MYC: variants seen among roughly 807,000 people sequenced by gnomAD.
The protein encoded by MYC is myc proto-oncogene protein.
In MYC, 1 loss-of-function variant was observed where a neutral mutation model predicts 30.5. The observed-to-expected ratio is 0.03, with a 90% CI of 0.01 to 0.16. MYC has a LOEUF of 0.16. Among genes scored for constraint, MYC ranks in the 10% least tolerant of loss-of-function variants. MYC has a pLI of 1.00. For synonymous variants in MYC, 267 were observed against 250.7 expected (o/e 1.07, Z -0.62); for missense variants, 508 against 589.0 (o/e 0.86, Z 1.42).
chr8:127,739,966 CTTTT>C (rs545674040), intron 2 of MYC, among the ~76,000 whole-genome samples: 2 of 136,408 alleles, frequency 1.5e-5, no homozygotes, highest in African/African-American at 5.4e-5. Flanking sequence ...TAGATTGGTT[CTTTT>C]TTTTTTTTTT....
intron 1 of MYC, among the ~76,000 whole-genome samples, chr8:127,737,589 GA>G (rs1472916295): frequency 6.6e-6 from 1 of 152,080 alleles, no homozygotes; most frequent in Non-Finnish European, 1.5e-5. Flanking sequence ...TGTATTTATG[GA>G]GGGGTGTTAA....
Position 127,738,891 on chromosome 8 carries a change from C to T in MYC, c.674C>T (p.Ser225Leu), listed in dbSNP as rs776438693. 5.0e-6 allele frequency: 8 copies of T among 1,611,986 alleles called. No individual in the cohort carries two copies. Among genetic ancestry groups the T allele is most frequent in the Non-Finnish European group, 6.8e-6 (8 of 1,180,004 alleles). ...AGCAGCTCGCCCAAGTCCTGCGCCT[C>T]GCAAGACTCCAGCGCCTTCTCTCCG... The change falls in exon 2 of 3, where the codon TCG becomes TTG. Residue 225 changes from serine (S) to leucine (L), a missense_variant. Coordinates refer to ENST00000621592, the MANE Select transcript of MYC (RefSeq NM_002467.6). This position sits in a 1 kb window ranked among gnomAD's most constrained non-coding sequence, Gnocchi z 7.6.
At position 127,738,686 on chromosome 8, in the gene MYC, G is replaced by T. The variant is rs1161084627; in HGVS notation, c.469G>T (p.Ala157Ser). The T allele has an allele frequency of 6.2e-7, 1 of 1,614,018 alleles. No homozygotes were observed. The highest frequency in any genetic ancestry group is 8.5e-7 in the Non-Finnish European group (1 of 1,179,910). Residue 157 changes from alanine to serine, a missense_variant, in exon 2 of 3, where the codon GCC becomes TCC. Coordinates refer to ENST00000621592, the MANE Select transcript of MYC (RefSeq NM_002467.6). The surrounding 1 kb of genome is among the most constrained non-coding windows in gnomAD (Gnocchi z 7.6). Reference sequence around the variant, plus strand: ...TATGTGGAGCGGCTTCTCGGCCGCCGCCAAGCTCGTCTCAGAGAAGCTGGC... The same window carrying T: ...TATGTGGAGCGGCTTCTCGGCCGCCTCCAAGCTCGTCTCAGAGAAGCTGGC...
At chr8:127,737,908 C>T (rs1292530526) in intron 1 of MYC, among the ~76,000 whole-genome samples, 3 of 152,164 alleles carry the variant, frequency 2.0e-5, no homozygotes, top group Non-Finnish European at 4.4e-5. Context: ...TCACCGCCAC[C>T]TCCCGCGGCT....
At position 127,738,766 on chromosome 8, in the gene MYC, C is replaced by T. The variant is rs760580726; in HGVS notation, c.549C>T (p.His183=). ...GCAGCCCGAACCCCGCCCGCGGCCA[C>T]AGCGTCTGCTCCACCTCCAGCTTGT... Residue 183 remains histidine (H), a synonymous_variant, in exon 2 of 3, where the codon CAC becomes CAT. Transcript: ENST00000621592. The surrounding 1 kb of genome is among the most constrained non-coding windows in gnomAD (Gnocchi z 7.6). The T allele has an allele frequency of 6.2e-7, 1 of 1,611,050 alleles. No individual in the cohort carries two copies. The highest frequency in any genetic ancestry group is 8.5e-7 in the Non-Finnish European group (1 of 1,178,262).
At chr8:127,736,900 C>G (rs1478958519) in intron 1 of MYC, among the ~76,000 whole-genome samples, 1 of 152,190 alleles carries the variant, frequency 6.6e-6, no homozygotes, top group East Asian at 1.9e-4. Flanking sequence ...TATATTCACG[C>G]TGACTCCCGG....
chr8:127,739,155 C>A, intron 2 of MYC, 136 bp downstream of exon 2: 2 of 990,338 alleles, frequency 2.0e-6, no homozygotes, highest in Non-Finnish European at 2.8e-6. Flanking sequence ...GAGCTCATCA[C>A]CTCTGAAACC....
Position 127,738,142 on chromosome 8 carries a change from A to G in MYC, c.31-106A>G. 1.5e-6 allele frequency: 2 copies of G among 1,370,052 alleles called. No homozygotes were observed. The highest frequency in any genetic ancestry group is 2.0e-6 in the Non-Finnish European group (2 of 1,016,062). 84.9% of individuals were successfully genotyped at this position (1,370,052 alleles called of 1,614,324 possible). ...AGCCGCTTTAGGGGATAGCTCTGCA[A>G]GGGGAGAGGTTCGGGACTGTGGCGC... On this transcript the variant is annotated intron_variant, in intron 1 of 2. Coordinates refer to ENST00000621592, the MANE Select transcript of MYC (RefSeq NM_002467.6). The surrounding 1 kb of genome is among the most constrained non-coding windows in gnomAD (Gnocchi z 7.6).
rs1221550924 is a variant in MYC at position 127,738,915 on chromosome 8, C to A, written c.698C>A (p.Pro233Gln). 5 of 1,609,936 alleles carry A rather than the reference C, an allele frequency of 3.1e-6. No homozygotes were observed. The highest frequency in any genetic ancestry group is 4.2e-6 in the Non-Finnish European group (5 of 1,179,988). Reference sequence around the variant, plus strand: ...TCGCAAGACTCCAGCGCCTTCTCTCCGTCCTCGGATTCTCTGCTCTCCTCG... The same window carrying A: ...TCGCAAGACTCCAGCGCCTTCTCTCAGTCCTCGGATTCTCTGCTCTCCTCG... Residue 233 changes from proline (P) to glutamine (Q), a missense_variant, in exon 2 of 3, where the codon CCG becomes CAG. Around this residue, in one of 5 missense-constraint regions of MYC, gnomAD observed 364 missense variants for 381.1 expected, o/e 0.96. Coordinates refer to ENST00000621592, the MANE Select transcript of MYC (RefSeq NM_002467.6). The surrounding 1 kb of genome is among the most constrained non-coding windows in gnomAD (Gnocchi z 7.6).
At position 127,738,758 on chromosome 8, in the gene MYC, C is replaced by G. The variant is rs772094171; in HGVS notation, c.541C>G (p.Arg181Gly). Residue 181 changes from arginine (R) to glycine (G), a missense_variant, in exon 2 of 3, where the codon CGC becomes GGC. Physicochemically the swap from Arg to Gly is moderately radical, Grantham distance 125. This residue lies in a region of MYC where 364 missense variants were observed against 381.1 expected (regional missense o/e 0.96). Transcript: ENST00000621592. This position sits in a 1 kb window ranked among gnomAD's most constrained non-coding sequence, Gnocchi z 7.6. ...AGACAGCGGCAGCCCGAACCCCGCCCGCGGCCACAGCGTCTGCTCCACCTC... is the reference window on the plus strand; with the variant it reads ...AGACAGCGGCAGCCCGAACCCCGCCGGCGGCCACAGCGTCTGCTCCACCTC... The G allele has an allele frequency of 1.2e-6, 2 of 1,611,516 alleles. No individual in the cohort carries two copies. Among genetic ancestry groups the G allele is most frequent in the East Asian group, 2.2e-5 (1 of 44,816 alleles).
upstream of MYC, chr8:127,735,870 T>C (rs1813574603): frequency 2.5e-6 from 1 of 398,576 alleles, no homozygotes; most frequent in Admixed American, 4.4e-5. Context: ...GCGGCTCTCT[T>C]ACTCTGTTTA....
Position 127,741,195 on chromosome 8 carries a change from A to AT in MYC, c.*241dup. 2.6e-6 allele frequency: 1 copy of AT among 386,614 alleles called. No homozygotes were observed. Among genetic ancestry groups the AT allele is most frequent in the Non-Finnish European group, 4.6e-6 (1 of 217,558 alleles). The allele number at this position is 386,614 out of a possible 1,614,324, so 23.9% of individuals were successfully genotyped here. A position where few individuals can be genotyped will look rare whatever the true frequency, so the allele number is the denominator to read the frequency against. ...TGTATTTAAGAATTGTTTTTAAAAA[A>AT]TTTTAAGATTTACACAATGTTTCTC... On this transcript the variant is annotated 3_prime_UTR_variant, in exon 3 of 3. Coordinates refer to ENST00000621592, the MANE Select transcript of MYC (RefSeq NM_002467.6).
chr8:127,737,429 G>A (rs898815874), intron 1 of MYC, among the ~76,000 whole-genome samples: 2 of 152,216 alleles, frequency 1.3e-5, no homozygotes, highest in Non-Finnish European at 2.9e-5. Context: ...CGGAGGAACT[G>A]CGAGGAGCGG....
rs1379297927 is a variant in MYC, at chr8:127,736,617, A to G, written c.24A>G (p.Glu8=). 3 of 1,614,070 alleles carry G rather than the reference A, an allele frequency of 1.9e-6. No homozygotes were observed. Among genetic ancestry groups the G allele is most frequent in the Non-Finnish European group, 2.5e-6 (3 of 1,180,032 alleles). Residue 8 remains glutamate (E), a synonymous_variant, in exon 1 of 3, where the codon GAA becomes GAG. Transcript: ENST00000621592. ...CGCTGGATTTTTTTCGGGTAGTGGA[A>G]AACCAGGTAAGCACCGAAGTCCACT...
chr8:127,738,474 C>T lies in MYC; in HGVS notation c.257C>T (p.Ser86Leu), dbSNP rs886556187. The stretch of plus-strand genomic sequence containing the variant: ...CCTAGCCGCCGCTCCGGGCTCTGCT[C>T]GCCCTCCTACGTTGCGGTCACACCC... The change falls in exon 2 of 3, where the codon TCG (serine) becomes TTG (leucine). Residue 86 changes from serine (S) to leucine (L), a missense_variant. This residue lies in a region of MYC where 364 missense variants were observed against 381.1 expected (regional missense o/e 0.96). Transcript: ENST00000621592. The surrounding 1 kb of genome is among the most constrained non-coding windows in gnomAD (Gnocchi z 7.6). The T allele has an allele frequency of 2.5e-6, 4 of 1,605,182 alleles. No homozygotes were observed. The African/African-American group carries it at 4.0e-5, about 16-fold the overall frequency.
At position 127,736,505 on chromosome 8, in the gene MYC, G is replaced by A; in HGVS notation, c.-89G>A. On this transcript the variant is annotated 5_prime_UTR_variant, in exon 1 of 3. Transcript: ENST00000621592. ...AGCAAGGACGCGACTCTCCCGACGC[G>A]GGGAGGCTATTCTGCCCATTTGGGG... is the stretch of plus-strand genomic sequence containing the variant. 2 of 1,446,774 alleles carry A rather than the reference G, an allele frequency of 1.4e-6. No homozygotes were observed. Among genetic ancestry groups the A allele is most frequent in the South Asian group, 1.2e-5 (1 of 85,250 alleles). The allele number at this position is 1,446,774 out of a possible 1,614,324, so 89.6% of individuals were successfully genotyped here. A position where few individuals can be genotyped will look rare whatever the true frequency, so the allele number is the denominator to read the frequency against.
rs1258625748 is a variant in MYC, at chr8:127,742,321, CG to C, written c.*1364del. ...ATTCACTGATAGGGAAAAGTGGAAG[CG>C]AGATTTGAACCCAGGCTGTTTACTC... is the stretch of plus-strand genomic sequence containing the variant. On this transcript the variant is annotated 3_prime_UTR_variant, in exon 3 of 3. Coordinates refer to ENST00000621592, the MANE Select transcript of MYC (RefSeq NM_002467.6). Among the ~76,000 whole-genome samples, 1 of 152,158 alleles carries C rather than the reference CG, an allele frequency of 6.6e-6. No individual in the cohort carries two copies. Among genetic ancestry groups the C allele is most frequent in the Non-Finnish European group, 1.5e-5 (1 of 68,024 alleles).
upstream of MYC, chr8:127,736,010 C>A (rs548552831): frequency 4.1e-3 from 602 of 147,322 alleles, 3 homozygotes; most frequent in Non-Finnish European, 7.2e-3. Context: ...GAAAAAAGAT[C>A]CTCTCTCGCT....
chr8:127,739,100 C>T lies in MYC; in HGVS notation c.802+81C>T, dbSNP rs555471600. ...TTTCATTGGCAGCTTATTTAACGGG[C>T]CACTCTTATTAGGAAGGAGAGATAG... On this transcript the variant is annotated intron_variant, in intron 2 of 2. Transcript: ENST00000621592. 3.6e-5 allele frequency: 49 copies of T among 1,346,174 alleles called. No homozygotes were observed. In the African/African-American group the frequency reaches 6.2e-4, roughly 17 times the overall value. The allele number at this position is 1,346,174 out of a possible 1,614,324, so 83.4% of individuals were successfully genotyped here.
Sources: gnomAD v4.1 joint callset for allele counts (sites outside exome capture counted in the v4.1 genomes callset) on GRCh38, gnomAD v4.1.1 for gene constraint, gnomAD v4.1.1 regional missense constraint, Gnocchi (gnomAD v3.1) non-coding constraint, MANE v1.5 for transcripts, NCBI Gene and HGNC (gene_info 2026-07-23, HGNC 2026-07-21) for gene names.